CGNL1: variants seen among roughly 807,000 people sequenced by gnomAD.
CGNL1 encodes cingulin like 1.
CGNL1 carries 132 observed loss-of-function variants against 141.2 expected under a neutral mutation model. The ratio of observed to expected loss-of-function variants is 0.93; its 90% CI spans 0.81 to 1.08. The LOEUF (loss-of-function observed/expected upper bound fraction) is 1.08, where lower values mean the gene tolerates loss of function less well. CGNL1 is among the 50% of genes least tolerant of loss of function. The pLI, the probability that CGNL1 is intolerant of heterozygous loss-of-function variation, is 0.00. For missense variants in CGNL1, 1,870 were observed against 1,588.6 expected, an observed-to-expected ratio of 1.18 and a Z score of -3.01; for synonymous variants, 690 against 622.1, an observed-to-expected ratio of 1.11 and a Z score of -1.63.
chr15:57,446,665 CTTTTTTTT>C (rs11327140), intron 4 of CGNL1, among the ~76,000 whole-genome samples: 63 of 116,700 alleles, frequency 5.4e-4, no homozygotes, highest in African/African-American at 2.0e-3. Context: ...CTGAACATTA[CTTTTTTTT>C]TTTTTTTTTT....
rs1298110654 is a variant in CGNL1, at chr15:57,435,415, G to GT, written c.-15-2557dup. ...ATAGCTGAAATTTGCAGGTTTTTTT[G>GT]TTTTTTTTTTTTTCCTCCTGGGCAG... On this transcript the variant is annotated intron_variant, in intron 1 of 18. Coordinates refer to ENST00000281282, the MANE Select transcript of CGNL1 (RefSeq NM_032866.5). Among the ~76,000 whole-genome samples, 76 of 34,518 alleles carry GT rather than the reference G, an allele frequency of 2.2e-3. 1 individual carries two copies. The highest frequency in any genetic ancestry group is 0.042 in the Middle Eastern group (1 of 24). The allele number at this position is 34,518 out of a possible 152,430, so 22.6% of individuals were successfully genotyped here.
chr15:57,487,303 A>C (rs1405779335), intron 8 of CGNL1, among the ~76,000 whole-genome samples: 1 of 152,116 alleles, frequency 6.6e-6, no homozygotes, highest in Non-Finnish European at 1.5e-5. Flanking sequence ...GAGCTTATTC[A>C]ACTTTTTTTT....
At chr15:57,430,074 G>C (rs997718654) in intron 1 of CGNL1, among the ~76,000 whole-genome samples, 1 of 152,214 alleles carries the variant, frequency 6.6e-6, no homozygotes, top group Non-Finnish European at 1.5e-5. Flanking sequence ...GCCTCCCAAA[G>C]TGCTGGGGTG....
chr15:57,539,199 C>A (rs2032430808), intron 14 of CGNL1, among the ~76,000 whole-genome samples: 1 of 152,204 alleles, frequency 6.6e-6, no homozygotes, highest in Non-Finnish European at 1.5e-5. Context: ...CTTTGTCTCT[C>A]TACAAGCCTT....
chr15:57,427,897 C>G (rs1300925249), intron 1 of CGNL1, among the ~76,000 whole-genome samples: 2 of 151,838 alleles, frequency 1.3e-5, no homozygotes, highest in Non-Finnish European at 2.9e-5. Flanking sequence ...GGATCTGGTT[C>G]TCATGTTTTA....
At chr15:57,501,628 G>C (rs148741896) in intron 8 of CGNL1, among the ~76,000 whole-genome samples, 3,983 of 152,254 alleles carry the variant, frequency 0.026, 82 homozygotes, top group Middle Eastern at 0.071. Flanking sequence ...AGGGAAAAGG[G>C]TGTTGTCTGA....
chr15:57,494,129 G>T (rs1259921245), intron 8 of CGNL1, among the ~76,000 whole-genome samples: 1 of 152,204 alleles, frequency 6.6e-6, no homozygotes, highest in African/African-American at 2.4e-5. Flanking sequence ...AGGGATGTAG[G>T]CTCCAAAGAC....
At position 57,438,608 on chromosome 15, in the gene CGNL1, C is replaced by T. The variant is rs192894807; in HGVS notation, c.609C>T (p.Pro203=). 266 of 1,613,918 alleles carry T rather than the reference C, an allele frequency of 1.6e-4. 1 individual carries two copies. The highest frequency in any genetic ancestry group is 1.3e-3 in the Admixed American group (78 of 60,032). ...PKPSNSQPTS[P]SLEDPAKSGV... ...CTAGCAATTCCCAGCCTACCAGTCC[C>T]TCCTTGGAAGACCCGGCCAAATCTG... The change falls in exon 2 of 19, where the codon CCC becomes CCT. Residue 203 remains proline (P), a synonymous_variant. Transcript: ENST00000281282.
intron 1 of CGNL1, chr15:57,394,011 C>G (rs1214260182): frequency 6.6e-5 from 10 of 150,670 alleles, no homozygotes; most frequent in Non-Finnish European, 1.5e-4. Flanking sequence ...TCACTGCAGC[C>G]TCAGCCTCCT....
At chr15:57,459,931 T>C (rs2152331424) in intron 7 of CGNL1, among the ~76,000 whole-genome samples, 1 of 152,290 alleles carries the variant, frequency 6.6e-6, no homozygotes. Context: ...TCTTTGAATG[T>C]GTTAGTGCAG....
At chr15:57,501,318 AT>A in intron 8 of CGNL1, among the ~76,000 whole-genome samples, 1 of 152,348 alleles carries the variant, frequency 6.6e-6, no homozygotes, top group East Asian at 1.9e-4. Flanking sequence ...GCAAAGGATT[AT>A]AACAGTTAAT....
chr15:57,445,481 A>C (rs1194753584), intron 4 of CGNL1, among the ~76,000 whole-genome samples: 1 of 152,226 alleles, frequency 6.6e-6, no homozygotes, highest in South Asian at 2.1e-4. Context: ...AGAATGTAAG[A>C]ACCCTCTCCC....
chr15:57,494,112 C>G (rs1388535205), intron 8 of CGNL1, among the ~76,000 whole-genome samples: 2 of 152,178 alleles, frequency 1.3e-5, no homozygotes, highest in Non-Finnish European at 2.9e-5. Context: ...AATAAATCTG[C>G]AAAGCAAGGG....
chr15:57,526,381 A>T (rs2031617577), intron 12 of CGNL1, among the ~76,000 whole-genome samples: 1 of 152,014 alleles, frequency 6.6e-6, no homozygotes, highest in Admixed American at 6.5e-5. Context: ...AAGTGAATTA[A>T]CAAGCCAAGG....
chr15:57,452,102 A>G (rs2063328780), intron 5 of CGNL1, 39 bp from the exon 6 acceptor site: 2 of 1,586,720 alleles, frequency 1.3e-6, no homozygotes, highest in Non-Finnish European at 1.7e-6. Flanking sequence ...ACGTTAATGT[A>G]CAGTGGAGGC....
chr15:57,521,215 A>T (rs2031233504), intron 10 of CGNL1, among the ~76,000 whole-genome samples: 1 of 152,128 alleles, frequency 6.6e-6, no homozygotes, highest in Admixed American at 6.5e-5. Context: ...CTCAGCAGTG[A>T]CCTATTGGAA....
chr15:57,455,546 T>C (rs1432523333), intron 7 of CGNL1, among the ~76,000 whole-genome samples: 2 of 152,230 alleles, frequency 1.3e-5, no homozygotes, highest in African/African-American at 4.8e-5. Flanking sequence ...ATATTTTGTA[T>C]CTTTCTTCTG....
chr15:57,522,379 T>G (rs2031322934), intron 10 of CGNL1, among the ~76,000 whole-genome samples: 2 of 152,216 alleles, frequency 1.3e-5, no homozygotes, highest in Admixed American at 6.5e-5. Context: ...TTGGAATGTT[T>G]TCAAGATCCT....
chr15:57,459,780 T>C (rs1483879339), intron 7 of CGNL1, among the ~76,000 whole-genome samples: 1 of 152,076 alleles, frequency 6.6e-6, no homozygotes, highest in East Asian at 1.9e-4. Flanking sequence ...TGAGCTTGAG[T>C]GCTGAGGGGG....
Sources: gnomAD v4.1 joint callset for allele counts (sites outside exome capture counted in the v4.1 genomes callset) on GRCh38, gnomAD v4.1.1 for gene constraint, MANE v1.5 for transcripts, NCBI Gene and HGNC (gene_info 2026-07-23, HGNC 2026-07-21) for gene names.